AKT3: variants seen among roughly 807,000 people sequenced by gnomAD.
AKT3 encodes the protein AKT serine/threonine kinase 3.
AKT3 carries 15 observed loss-of-function variants against 65.3 expected under a neutral mutation model. That is an observed-to-expected ratio of 0.23 (90% CI 0.15 to 0.35). The LOEUF (loss-of-function observed/expected upper bound fraction) is 0.35, where lower values mean the gene tolerates loss of function less well. Ranked by LOEUF, AKT3 falls within the 10% of genes least tolerant of loss-of-function variation. The pLI is 1.00. For synonymous variants in AKT3, 206 were observed against 183.8 expected (o/e 1.12, Z -0.98); for missense variants, 243 against 576.5 (o/e 0.42, Z 5.92).
At chr1:243,842,736 CTTAA>C (rs765009884) in intron 2 of AKT3, among the ~76,000 whole-genome samples, 35 of 152,136 alleles carry the variant, frequency 2.3e-4, no homozygotes, top group Non-Finnish European at 4.7e-4. Flanking sequence ...TTCAAACTGG[CTTAA>C]TTCTCTTATT....
chr1:243,651,708 G>T (rs992147359), intron 4 of AKT3, among the ~76,000 whole-genome samples: 22 of 152,234 alleles, frequency 1.4e-4, no homozygotes, highest in Middle Eastern at 3.4e-3. Flanking sequence ...ATTGATTTGT[G>T]TATGTTGCAC....
intron 2 of AKT3, among the ~76,000 whole-genome samples, chr1:243,760,580 C>A (rs1689431123): frequency 6.6e-6 from 1 of 152,126 alleles, no homozygotes; most frequent in African/African-American, 2.4e-5. Flanking sequence ...CATTTGCAGG[C>A]ATAGAGCAGC....
At chr1:243,773,202 TA>T (rs918165611) in intron 2 of AKT3, among the ~76,000 whole-genome samples, 7 of 144,442 alleles carry the variant, frequency 4.8e-5, no homozygotes, top group African/African-American at 1.3e-4. Flanking sequence ...CATATATATA[TA>T]AAAAATATAT....
chr1:243,663,134 GAA>G (rs1276485410), intron 4 of AKT3, among the ~76,000 whole-genome samples: 2 of 152,222 alleles, frequency 1.3e-5, no homozygotes, highest in African/African-American at 4.8e-5. Flanking sequence ...AATGAGCAAG[GAA>G]GCCATCATCT....
intron 2 of AKT3, among the ~76,000 whole-genome samples, chr1:243,839,427 A>G (rs1017075052): frequency 6.6e-6 from 1 of 152,232 alleles, no homozygotes; most frequent in Non-Finnish European, 1.5e-5. Flanking sequence ...TCCTGGATCC[A>G]TCAAGGAGGA....
intron 2 of AKT3, chr1:243,735,618 C>T (rs758343255): frequency 6.6e-6 from 1 of 152,164 alleles, no homozygotes; most frequent in Non-Finnish European, 1.5e-5. Context: ...TAGCAACAAA[C>T]GTTAGCATGA....
At position 243,548,641 on chromosome 1, in the gene AKT3, T is replaced by C. The variant is rs144576079; in HGVS notation, c.1164-3044A>G. ...GATATTTATGTCTAGAATACTAAAC[T>C]CCAGTATCAGAATGCCAGACTAAAT... On this transcript the variant is annotated intron_variant, in intron 11 of 13. Transcript: ENST00000673466. Among the ~76,000 whole-genome samples, 887 of 152,270 alleles carry C rather than the reference T, an allele frequency of 5.8e-3. 8 individuals carry two copies. The highest frequency in any genetic ancestry group is 0.02 in the African/African-American group (826 of 41,554).
At chr1:243,795,762 C>T (rs1005715908) in intron 2 of AKT3, among the ~76,000 whole-genome samples, 2 of 152,208 alleles carry the variant, frequency 1.3e-5, no homozygotes, top group South Asian at 2.1e-4. Context: ...TGAGCCACCG[C>T]GCCCGGCCGA....
intron 2 of AKT3, among the ~76,000 whole-genome samples, chr1:243,728,130 G>A (rs144840607): frequency 3.5e-4 from 53 of 152,232 alleles, no homozygotes; most frequent in Middle Eastern, 6.8e-3. Context: ...CCTGGCAAAC[G>A]GTTTGATTGT....
chr1:243,692,521 T>A (rs1050072058), intron 3 of AKT3, among the ~76,000 whole-genome samples: 10 of 150,748 alleles, frequency 6.6e-5, no homozygotes, highest in African/African-American at 2.2e-4. Context: ...TCACCTGAGG[T>A]CACGAGTTTG....
chr1:243,596,484 A>G (rs1181850232), intron 8 of AKT3, among the ~76,000 whole-genome samples: 1 of 152,206 alleles, frequency 6.6e-6, no homozygotes, highest in Non-Finnish European at 1.5e-5. Context: ...CTGAGTGAAG[A>G]CATTTCCTAT....
At chr1:243,739,354 C>T (rs1351854319) in intron 2 of AKT3, among the ~76,000 whole-genome samples, 2 of 152,140 alleles carry the variant, frequency 1.3e-5, no homozygotes, top group Non-Finnish European at 2.9e-5. Context: ...GTGAATTTTA[C>T]ACCTATAATA....
chr1:243,512,489 G>GA, intron 12 of AKT3, 63 bp from the exon 13 acceptor site: 1 of 1,016,868 alleles, frequency 9.8e-7, no homozygotes, highest in Non-Finnish European at 1.5e-6. Flanking sequence ...TCCTTTCTAG[G>GA]AAAAAAGCAG....
At chr1:243,650,326 A>C (rs931135078) in intron 4 of AKT3, among the ~76,000 whole-genome samples, 1 of 152,170 alleles carries the variant, frequency 6.6e-6, no homozygotes, top group African/African-American at 2.4e-5. Flanking sequence ...AGACGAATAG[A>C]TTGCAAAAAT....
chr1:243,660,247 G>C (rs1417974348), intron 4 of AKT3, among the ~76,000 whole-genome samples: 2 of 151,998 alleles, frequency 1.3e-5, no homozygotes, highest in East Asian at 1.9e-4. Context: ...ATTTCTTCTA[G>C]ATTTTCTAGT....
intron 2 of AKT3, among the ~76,000 whole-genome samples, chr1:243,713,266 G>C (rs529758254): frequency 4.6e-5 from 7 of 152,246 alleles, no homozygotes; most frequent in African/African-American, 1.4e-4. Flanking sequence ...CATCAACACG[G>C]AGAAATAAGA....
intron 2 of AKT3, among the ~76,000 whole-genome samples, chr1:243,824,745 C>A (rs986833993): frequency 6.6e-6 from 1 of 151,988 alleles, no homozygotes; most frequent in African/African-American, 2.4e-5. Context: ...ATTAAAATGT[C>A]AAGAAACAAC....
intron 2 of AKT3, among the ~76,000 whole-genome samples, chr1:243,763,592 G>T (rs1572300395): frequency 6.6e-6 from 1 of 151,990 alleles, no homozygotes; most frequent in Non-Finnish European, 1.5e-5. Flanking sequence ...CAGAGCAGAT[G>T]TACACATCAA....
At chr1:243,810,015 T>C (rs1209291373) in intron 2 of AKT3, among the ~76,000 whole-genome samples, 1 of 152,190 alleles carries the variant, frequency 6.6e-6, no homozygotes, top group African/African-American at 2.4e-5. Flanking sequence ...CCAGAATCTC[T>C]GGGACACATT....
Sources: allele counts gnomAD v4.1 joint callset (sites outside exome capture counted in the v4.1 genomes callset), GRCh38; gene constraint gnomAD v4.1.1; transcripts MANE v1.5; gene names NCBI Gene and HGNC (gene_info 2026-07-23, HGNC 2026-07-21).